Variants in BCOR observed in about 807,000 individuals in gnomAD.
BCOR encodes BCL-6 corepressor.
In BCOR, 10 loss-of-function variants were observed where a neutral mutation model predicts 86.7. The ratio of observed to expected loss-of-function variants is 0.12; its 90% CI spans 0.07 to 0.20. The LOEUF (loss-of-function observed/expected upper bound fraction) is 0.20, where lower values mean the gene tolerates loss of function less well. Among genes scored for constraint, BCOR ranks in the 10% least tolerant of loss-of-function variants. The pLI, the probability that BCOR is intolerant of heterozygous loss-of-function variation, is 1.00. For missense variants in BCOR, 1,259 were observed against 1,452.1 expected (o/e 0.87, Z 2.16); for synonymous variants, 611 against 609.0 (o/e 1.00, Z -0.05).
Position 40,169,996 on chromosome X carries a change from A to G in BCOR, c.-41+7011T>C, listed in dbSNP as rs971182817. Among the ~76,000 whole-genome samples the G allele has an allele frequency of 2.7e-5, 3 of 112,516 alleles. No homozygotes were observed. In the Admixed American group the frequency reaches 2.8e-4, roughly 10 times the overall value. On this transcript the variant is annotated intron_variant, in intron 1 of 14. Transcript: ENST00000342274. Reference sequence around the variant, plus strand: ...ACGCGCAGCCTGGGCCTCCATCCCCAGCGCGCCTGGGCACCACCTGGGGCC... The same window carrying G: ...ACGCGCAGCCTGGGCCTCCATCCCCGGCGCGCCTGGGCACCACCTGGGGCC...
upstream of BCOR, among the ~76,000 whole-genome samples, chrX:40,100,320 T>C (rs2147778710): frequency 8.9e-6 from 1 of 112,796 alleles, no homozygotes; most frequent in African/African-American, 3.2e-5. Context: ...CCTGGGCCAG[T>C]GTGGAGCCGT....
rs911609928 is a variant in BCOR, at chrX:40,109,145, A to C, written c.-40-31176T>G. Reference sequence around the variant, plus strand: ...GGGAGGCGAACCCGGGCTGCGCGCCAAGAGGCCCGGAGCCGCAGATTAGTC... The same window carrying C: ...GGGAGGCGAACCCGGGCTGCGCGCCCAGAGGCCCGGAGCCGCAGATTAGTC... On this transcript the variant is annotated intron_variant, in intron 1 of 14. Coordinates refer to the BCOR transcript ENST00000342274. Among the ~76,000 whole-genome samples, 5 of 111,968 alleles carry C rather than the reference A, an allele frequency of 4.5e-5. No individual in the cohort carries two copies. The East Asian group carries it at 1.5e-3, about 33-fold the overall frequency.
At chrX:40,129,440 T>C (rs761909195) in intron 1 of BCOR, among the ~76,000 whole-genome samples, 29 of 107,523 alleles carry the variant, frequency 2.7e-4, no homozygotes, top group African/African-American at 8.9e-4. Flanking sequence ...GCCAAGATCA[T>C]GTCACTGCAC....
intron 1 of BCOR, among the ~76,000 whole-genome samples, chrX:40,078,222 C>G (rs776893360): frequency 1.8e-5 from 2 of 112,508 alleles, no homozygotes; most frequent in East Asian, 5.6e-4. Context: ...GTAGCCTCAT[C>G]CAAGGCACAG....
chrX:40,173,244 C>T (rs1938669547), intron 1 of BCOR, among the ~76,000 whole-genome samples: 1 of 111,887 alleles, frequency 8.9e-6, no homozygotes, highest in Non-Finnish European at 1.9e-5. Flanking sequence ...GCCCTATTAT[C>T]CCAAGCTGTG....
chrX:40,071,844 C>T, intron 4 of BCOR, 154 bp from the exon 5 acceptor site: 1 of 458,602 alleles, frequency 2.2e-6, no homozygotes, highest in Non-Finnish European at 3.9e-6. Context: ...TCCTATACAA[C>T]ATCTATCATA....
In BCOR at chrX:40,111,354, C is replaced by T. The variant is rs138205020; in HGVS notation, c.-40-33385G>A. Reference sequence around the variant, plus strand: ...TTCCCTATTTATCTGTTTCCCTGTACACCTGGACTTCTTGAAAGAGGTGTC... The same window carrying T: ...TTCCCTATTTATCTGTTTCCCTGTATACCTGGACTTCTTGAAAGAGGTGTC... On this transcript the variant is annotated intron_variant, in intron 1 of 14. Coordinates refer to the BCOR transcript ENST00000342274. 5.1e-3 allele frequency among the ~76,000 whole-genome samples: 566 copies of T among 111,955 alleles called. 1 individual carries two copies. Among genetic ancestry groups the T allele is most frequent in the Middle Eastern group, 0.037 (8 of 216 alleles).
intron 2 of BCOR, 191 bp downstream of exon 2, chrX:40,077,653 A>G: frequency 2.2e-6 from 1 of 445,300 alleles, no homozygotes; most frequent in South Asian, 3.3e-5. Flanking sequence ...TTTAGGGGCT[A>G]ATCTTTTAAA....
intron 1 of BCOR, among the ~76,000 whole-genome samples, chrX:40,145,886 G>A (rs1938039082): frequency 9.0e-6 from 1 of 111,694 alleles, no homozygotes; most frequent in Non-Finnish European, 1.9e-5. Flanking sequence ...CGGTGGGGAG[G>A]GTGGCTCCGG....
At position 40,072,511 on chromosome X, in the gene BCOR, A is replaced by G. The variant is rs779464148; in HGVS notation, c.2835T>C (p.Asp945=). ...VTPTYTKDGA[D]EAESNDGKVL... The stretch of plus-strand genomic sequence containing the variant: ...CTTTGCCATCATTTGATTCAGCCTC[A>G]TCAGCTCCATCTTTGGTATAGGTGG... The change falls in exon 4 of 15, where the codon GAT becomes GAC. Residue 945 remains aspartate, a synonymous_variant. Transcript: ENST00000378444. The G allele has an allele frequency of 8.3e-7, 1 of 1,210,373 alleles. No homozygotes were observed. The highest frequency in any genetic ancestry group is 1.8e-5 in the South Asian group (1 of 56,847).
chrX:40,146,139 G>A (rs1401918673), intron 1 of BCOR, among the ~76,000 whole-genome samples: 2 of 112,059 alleles, frequency 1.8e-5, no homozygotes, highest in African/African-American at 3.2e-5. Flanking sequence ...CATTACTGCC[G>A]GCGCGCGAGA....
intron 1 of BCOR, among the ~76,000 whole-genome samples, chrX:40,175,715 A>C (rs1022812519): frequency 8.9e-5 from 10 of 112,704 alleles, no homozygotes; most frequent in Non-Finnish European, 1.9e-4. Flanking sequence ...GCGTCTGGGG[A>C]CGCGAACGCG....
chrX:40,140,654 G>A (rs1569193385), intron 1 of BCOR, among the ~76,000 whole-genome samples: 1 of 112,284 alleles, frequency 8.9e-6, no homozygotes, highest in East Asian at 2.8e-4. Flanking sequence ...GGGTTTCCCC[G>A]AGCCACCCCA....
chrX:40,088,306 C>T (rs181875312), intron 1 of BCOR, among the ~76,000 whole-genome samples: 31 of 112,719 alleles, frequency 2.8e-4, no homozygotes, highest in African/African-American at 9.4e-4. Context: ...CCTTTAAAAT[C>T]GTGCGCTAAA....
exon 1 of BCOR, chrX:40,177,045 A>G (rs1195288369): frequency 9.7e-6 from 1 of 102,571 alleles, no homozygotes; most frequent in African/African-American, 3.5e-5. Flanking sequence ...TGACTCCAGC[A>G]TTCCGTTCAA....
intron 1 of BCOR, among the ~76,000 whole-genome samples, chrX:40,144,732 C>G (rs745343449): frequency 4.5e-4 from 50 of 110,896 alleles, no homozygotes; most frequent in Non-Finnish European, 5.7e-4. Context: ...GACCGCCCCC[C>G]CTCCCCGCCA....
intron 6 of BCOR, among the ~76,000 whole-genome samples, chrX:40,069,567 C>A: frequency 8.9e-6 from 1 of 112,399 alleles, no homozygotes; most frequent in Middle Eastern, 4.6e-3. Context: ...CTCCAGGCCC[C>A]CAGCCATCTA....
At chrX:40,176,314 T>C (rs770206115) in intron 1 of BCOR, among the ~76,000 whole-genome samples, 65 of 112,208 alleles carry the variant, frequency 5.8e-4, no homozygotes, top group African/African-American at 1.8e-3. Flanking sequence ...CCGCTCCGGC[T>C]TGCACCCCCG....
chrX:40,097,040 G>A (rs1936916791), intron 1 of BCOR, among the ~76,000 whole-genome samples, 175 bp downstream of exon 1: 1 of 112,908 alleles, frequency 8.9e-6, no homozygotes, highest in Admixed American at 9.2e-5. Context: ...AAATAACATA[G>A]CTATGAAATA....
Sources: allele counts gnomAD v4.1 joint callset (sites outside exome capture counted in the v4.1 genomes callset), GRCh38; gene constraint gnomAD v4.1.1; transcripts MANE v1.5; gene names NCBI Gene and HGNC (gene_info 2026-07-23, HGNC 2026-07-21).